RAB27B: variants seen among roughly 807,000 people sequenced by gnomAD.
The protein encoded by RAB27B is ras-related protein Rab-27B.
Under a neutral mutation model 24.6 loss-of-function variants are expected in RAB27B, and 15 were observed. The observed-to-expected ratio is 0.61, with a 90% CI of 0.41 to 0.94. The LOEUF is 0.94. Ranked by LOEUF, RAB27B falls within the 40% of genes least tolerant of loss-of-function variation. The pLI, the probability that RAB27B is intolerant of heterozygous loss-of-function variation, is 0.00. For synonymous variants in RAB27B, 105 were observed against 92.5 expected (o/e 1.14, Z -0.78); for missense variants, 261 against 266.8 (o/e 0.98, Z 0.15).
intron 3 of RAB27B, 46 bp downstream of exon 3, chr18:54,879,500 A>G: frequency 1.4e-6 from 2 of 1,473,124 alleles, no homozygotes; most frequent in Non-Finnish European, 1.9e-6. Context: ...GCTTAGAAAA[A>G]CTTACTTTAA....
chr18:54,825,720 C>G (rs12960467), upstream of RAB27B, among the ~76,000 whole-genome samples: 29,242 of 152,128 alleles, frequency 0.19, 3,552 homozygotes, highest in East Asian at 0.39. Flanking sequence ...AAATAAACCT[C>G]CAGTCTCCTG....
intron 2 of RAB27B, among the ~76,000 whole-genome samples, chr18:54,795,758 T>C (rs1410392968): frequency 6.6e-6 from 1 of 152,132 alleles, no homozygotes; most frequent in Admixed American, 6.5e-5. Flanking sequence ...TCTAAGACTA[T>C]TGGGTCAGTT....
chr18:54,856,558 C>T (rs1378264046), intron 1 of RAB27B, among the ~76,000 whole-genome samples: 2 of 152,132 alleles, frequency 1.3e-5, no homozygotes, highest in Non-Finnish European at 2.9e-5. Context: ...AGTTAGGAGG[C>T]TCTTATTAGT....
At chr18:54,777,586 A>C (rs938766739) in intron 2 of RAB27B, among the ~76,000 whole-genome samples, 20 of 152,244 alleles carry the variant, frequency 1.3e-4, no homozygotes, top group African/African-American at 4.8e-4. Context: ...TAATCAGAGA[A>C]GAGAACTGCA....
intron 2 of RAB27B, among the ~76,000 whole-genome samples, chr18:54,780,812 C>T (rs1167434246): frequency 6.6e-6 from 1 of 152,142 alleles, no homozygotes; most frequent in African/African-American, 2.4e-5. Context: ...ACAAATTCTC[C>T]AGGTGATTCT....
intron 2 of RAB27B, among the ~76,000 whole-genome samples, chr18:54,797,838 T>C (rs1909473902): frequency 6.6e-6 from 1 of 152,202 alleles, no homozygotes; most frequent in East Asian, 1.9e-4. Context: ...ATGGTATTTC[T>C]GAATGGACTT....
intron 2 of RAB27B, among the ~76,000 whole-genome samples, chr18:54,780,823 G>T (rs1296097494): frequency 6.6e-6 from 1 of 152,188 alleles, no homozygotes; most frequent in Non-Finnish European, 1.5e-5. Context: ...AGGTGATTCT[G>T]CTGAACACTG....
At chr18:54,867,038 G>T (rs78821648) in intron 1 of RAB27B, among the ~76,000 whole-genome samples, 4,714 of 152,200 alleles carry the variant, frequency 0.031, 247 homozygotes, top group African/African-American at 0.11. Context: ...TAAGGAGTAG[G>T]TTGTGGGTCA....
rs905508079 is a variant in RAB27B at position 54,888,628 on chromosome 18, C to A, written c.467+510C>A. Among the ~76,000 whole-genome samples, 441 of 151,058 alleles carry A rather than the reference C, an allele frequency of 2.9e-3. 1 individual carries two copies. The highest frequency in any genetic ancestry group is 4.9e-3 in the Non-Finnish European group (335 of 67,740). On this transcript the variant is annotated intron_variant, in intron 5 of 5. Transcript: ENST00000262094. ...TTGAATGGCAGCTTAAAAAAAAAAA[C>A]AGAAACAACACCCCATGTAATTGTA...
chr18:54,870,248 T>C (rs951071220), intron 1 of RAB27B, among the ~76,000 whole-genome samples: 7 of 152,136 alleles, frequency 4.6e-5, no homozygotes, highest in African/African-American at 1.7e-4. Flanking sequence ...TGATACATCA[T>C]GAACAAGTAA....
chr18:54,832,076 G>A (rs966689996), intron 1 of RAB27B, among the ~76,000 whole-genome samples: 15 of 152,120 alleles, frequency 9.9e-5, no homozygotes, highest in African/African-American at 3.4e-4. Context: ...GCCTGGCCAG[G>A]TGATGTTTTT....
At chr18:54,723,553 AT>A (rs1961173084) in intron 2 of RAB27B, among the ~76,000 whole-genome samples, 1 of 152,216 alleles carries the variant, frequency 6.6e-6, no homozygotes, top group Non-Finnish European at 1.5e-5. Context: ...AAGTAGTAAT[AT>A]TGACTGTAAA....
intron 2 of RAB27B, among the ~76,000 whole-genome samples, chr18:54,774,467 C>T (rs966373773): frequency 1.3e-5 from 2 of 152,084 alleles, no homozygotes; most frequent in Non-Finnish European, 1.5e-5. Flanking sequence ...AGGGTAGAAC[C>T]AGAATCCAAA....
chr18:54,766,232 A>C (rs1473642803), intron 2 of RAB27B, among the ~76,000 whole-genome samples: 1 of 152,180 alleles, frequency 6.6e-6, no homozygotes, highest in Non-Finnish European at 1.5e-5. Context: ...TAATAGAAAC[A>C]AATATAAAGC....
intron 1 of RAB27B, among the ~76,000 whole-genome samples, chr18:54,838,243 A>G (rs901928540): frequency 2.6e-5 from 4 of 152,170 alleles, no homozygotes; most frequent in African/African-American, 9.7e-5. Context: ...AGTAATGAGT[A>G]TTTGTGTAGA....
chr18:54,871,936 T>C (rs1912486574), intron 1 of RAB27B, among the ~76,000 whole-genome samples: 1 of 152,006 alleles, frequency 6.6e-6, no homozygotes, highest in African/African-American at 2.4e-5. Context: ...TGTCAAGGCA[T>C]TCTTGAGACT....
intron 1 of RAB27B, among the ~76,000 whole-genome samples, chr18:54,876,559 C>T (rs1159225699): frequency 1.3e-5 from 2 of 151,756 alleles, no homozygotes; most frequent in Non-Finnish European, 2.9e-5. Context: ...GAAGTTGTAC[C>T]GAGCAGTAAA....
intron 3 of RAB27B, chr18:54,880,892 G>A (rs4331410): frequency 0.67 from 102,016 of 151,614 alleles, 34,378 homozygotes; most frequent in South Asian, 0.74. Context: ...TGCATTCTGT[G>A]TATATATAAG....
upstream of RAB27B, chr18:54,828,253 A>T (rs1910540866): frequency 6.6e-6 from 1 of 152,184 alleles, no homozygotes; most frequent in South Asian, 2.1e-4. Flanking sequence ...AACAAAAATG[A>T]ATAAAAATGA....
Sources: gnomAD v4.1 joint callset for allele counts (sites outside exome capture counted in the v4.1 genomes callset) on GRCh38, gnomAD v4.1.1 for gene constraint, MANE v1.5 for transcripts, NCBI Gene and HGNC (gene_info 2026-07-23, HGNC 2026-07-21) for gene names.